Variants in SLC71A1 observed in about 807,000 individuals in gnomAD.
SLC71A1 encodes the protein solute carrier family 71 member 1, also known as hippocampus abundant gene transcript 1.
the SLC71A1 span, among the ~76,000 whole-genome samples, chr1:100,046,212 G>GTTTTT: frequency 7.7e-3 from 416 of 54,112 alleles, 145 homozygotes; most frequent in East Asian, 0.031. Context: ...TCCAAGCCTC[G>GTTTTT]TTTTTTTTTT....
chr1:100,063,362 G>T, the SLC71A1 span, among the ~76,000 whole-genome samples: 1 of 152,294 alleles, frequency 6.6e-6, no homozygotes, highest in South Asian at 2.1e-4. Context: ...GAAGTGGCCA[G>T]GCACAGTGGC....
chr1:100,073,105 C>T, the SLC71A1 span, among the ~76,000 whole-genome samples: 2,581 of 152,272 alleles, frequency 0.017, 36 homozygotes, highest in Admixed American at 0.035. Context: ...TTCATGAATC[C>T]TTTCTCCCTA....
the SLC71A1 span, among the ~76,000 whole-genome samples, chr1:100,072,703 A>G: frequency 6.6e-6 from 1 of 152,108 alleles, no homozygotes; most frequent in Non-Finnish European, 1.5e-5. Context: ...GTGTGGGCCA[A>G]CCTTCCAGCG....
At chr1:100,065,834 C>T in the SLC71A1 span, among the ~76,000 whole-genome samples, 1 of 150,610 alleles carries the variant, frequency 6.6e-6, no homozygotes, top group African/African-American at 2.4e-5. Flanking sequence ...TTCTCCATTC[C>T]TTTTCCCTTT....
the SLC71A1 span, chr1:100,068,353 T>C: frequency 2.2e-6 from 2 of 927,118 alleles, no homozygotes; most frequent in South Asian, 3.3e-5. Context: ...ATGAAATAAA[T>C]AAAAAGGACA....
chr1:100,059,452 G>T, the SLC71A1 span, among the ~76,000 whole-genome samples: 1 of 151,516 alleles, frequency 6.6e-6, no homozygotes, highest in Non-Finnish European at 1.5e-5. Flanking sequence ...ACTGTGCCCA[G>T]CTCAAATTCT....
At chr1:100,069,124 A>G in the SLC71A1 span, among the ~76,000 whole-genome samples, 1 of 152,130 alleles carries the variant, frequency 6.6e-6, no homozygotes, top group East Asian at 1.9e-4. Context: ...TTAGGGAGAA[A>G]GATAGTTTTC....
the SLC71A1 span, among the ~76,000 whole-genome samples, chr1:100,049,406 G>A: frequency 3.4e-5 from 5 of 146,428 alleles, no homozygotes; most frequent in Non-Finnish European, 7.4e-5. Flanking sequence ...ATCTTTTAGT[G>A]GCTCCCCATG....
the SLC71A1 span, chr1:100,059,983 C>G: frequency 1.2e-6 from 2 of 1,611,692 alleles, no homozygotes; most frequent in African/African-American, 2.7e-5. Flanking sequence ...TGCCCCAATT[C>G]CTTTAATGAA....
At chr1:100,068,235 C>A in the SLC71A1 span, 1 of 1,471,618 alleles carries the variant, frequency 6.8e-7, no homozygotes, top group Non-Finnish European at 9.5e-7. Flanking sequence ...TAAAAAAGTG[C>A]ATGATTCAGT....
chr1:100,059,700 A>C, the SLC71A1 span, among the ~76,000 whole-genome samples: 1 of 152,040 alleles, frequency 6.6e-6, no homozygotes, highest in Non-Finnish European at 1.5e-5. Flanking sequence ...GATGATTCTA[A>C]ACTATCTTGG....
the SLC71A1 span, among the ~76,000 whole-genome samples, chr1:100,075,600 T>A: frequency 1.3e-5 from 2 of 152,242 alleles, no homozygotes; most frequent in African/African-American, 2.4e-5. Context: ...AAATCATTTT[T>A]AATTATTTCT....
the SLC71A1 span, among the ~76,000 whole-genome samples, chr1:100,070,715 T>C: frequency 6.6e-6 from 1 of 152,192 alleles, no homozygotes; most frequent in Non-Finnish European, 1.5e-5. Context: ...CTCCTTCCTG[T>C]GAAAAAGCCC....
the SLC71A1 span, among the ~76,000 whole-genome samples, chr1:100,041,572 A>G: frequency 6.6e-6 from 1 of 152,252 alleles, no homozygotes; most frequent in Non-Finnish European, 1.5e-5. Context: ...ACTGTATACT[A>G]CTTCACTGAT....
At chr1:100,068,665 T>C in the SLC71A1 span, 11 of 876,674 alleles carry the variant, frequency 1.3e-5, no homozygotes, top group East Asian at 2.7e-4. Flanking sequence ...TTGAGAGAAC[T>C]GTAATAGAAG....
chr1:100,052,217 T>C, the SLC71A1 span, among the ~76,000 whole-genome samples: 2 of 152,200 alleles, frequency 1.3e-5, no homozygotes, highest in Non-Finnish European at 2.9e-5. Context: ...CATAATTTGT[T>C]ATCAGTATTT....
chr1:100,057,054 A>G, the SLC71A1 span, among the ~76,000 whole-genome samples: 3 of 152,146 alleles, frequency 2.0e-5, no homozygotes, highest in Non-Finnish European at 4.4e-5. Flanking sequence ...AGCCCCTTAT[A>G]CATTTTTGTT....
At chr1:100,074,238 C>T in the SLC71A1 span, among the ~76,000 whole-genome samples, 1 of 152,124 alleles carries the variant, frequency 6.6e-6, no homozygotes, top group African/African-American at 2.4e-5. Flanking sequence ...ATTGGTGTAT[C>T]TCATTGTTTC....
the SLC71A1 span, among the ~76,000 whole-genome samples, chr1:100,059,566 C>A: frequency 2.6e-5 from 4 of 151,300 alleles, no homozygotes; most frequent in Non-Finnish European, 4.4e-5. Context: ...TATATACACA[C>A]ACACATACAT....
Sources: gnomAD v4.1 joint callset for allele counts (sites outside exome capture counted in the v4.1 genomes callset) on GRCh38, gnomAD v4.1.1 for gene constraint, MANE v1.5 for transcripts, NCBI Gene and HGNC (gene_info 2026-07-23, HGNC 2026-07-21) for gene names.